Variants in STMN2 observed in about 807,000 individuals in gnomAD.
STMN2 encodes the protein stathmin-2.
STMN2 carries 2 observed loss-of-function variants against 24.1 expected under a neutral mutation model. The ratio of observed to expected loss-of-function variants is 0.08; its 90% CI spans 0.03 to 0.26. The LOEUF is 0.26. STMN2 is among the 10% of genes least tolerant of loss of function. The pLI, the probability that STMN2 is intolerant of heterozygous loss-of-function variation, is 1.00. For missense variants in STMN2, 114 were observed against 213.6 expected (o/e 0.53, Z 2.91); for synonymous variants, 83 against 77.5 (o/e 1.07, Z -0.37).
At chr8:79,624,421 T>TC (rs1809597670) in intron 1 of STMN2, among the ~76,000 whole-genome samples, 1 of 120,312 alleles carries the variant, frequency 8.3e-6, no homozygotes, top group African/African-American at 3.3e-5. Context: ...ACCACTGCAC[T>TC]CCAGCCTGGG....
At chr8:79,617,173 C>T (rs954968073) in intron 1 of STMN2, among the ~76,000 whole-genome samples, 1 of 152,038 alleles carries the variant, frequency 6.6e-6, no homozygotes, top group African/African-American at 2.4e-5. Flanking sequence ...TTTTCTTCTG[C>T]TTATCTAAGC....
intron 1 of STMN2, among the ~76,000 whole-genome samples, chr8:79,617,994 TAGTC>T (rs1208947738): frequency 6.6e-6 from 1 of 152,240 alleles, no homozygotes; most frequent in Non-Finnish European, 1.5e-5. Flanking sequence ...GTCACACAGT[TAGTC>T]AGATCCAGAA....
intron 1 of STMN2, among the ~76,000 whole-genome samples, chr8:79,635,244 G>C (rs556119227): frequency 6.2e-4 from 95 of 152,294 alleles, no homozygotes; most frequent in African/African-American, 2.2e-3. Context: ...TCTTGCAACT[G>C]CATGGCAAGG....
intron 1 of STMN2, among the ~76,000 whole-genome samples, chr8:79,622,680 T>C (rs569623455): frequency 2.8e-4 from 42 of 152,322 alleles, no homozygotes; most frequent in South Asian, 1.0e-3. Context: ...ATTTTATATC[T>C]TACCTTACTT....
intron 3 of STMN2, among the ~76,000 whole-genome samples, chr8:79,643,544 C>G (rs1810156577): frequency 6.6e-6 from 1 of 151,984 alleles, no homozygotes; most frequent in South Asian, 2.1e-4. Flanking sequence ...AAAACTCAAA[C>G]CACAATTCAA....
intron 3 of STMN2, among the ~76,000 whole-genome samples, chr8:79,642,615 T>C (rs1810125423): frequency 6.6e-6 from 1 of 152,186 alleles, no homozygotes; most frequent in Non-Finnish European, 1.5e-5. Context: ...CTCCTAAAGA[T>C]TGAATTCTCC....
chr8:79,613,892 G>A (rs1014204610), intron 1 of STMN2: 9 of 927,442 alleles, frequency 9.7e-6, no homozygotes, highest in Non-Finnish European at 1.2e-5. Flanking sequence ...GTGTGCCAAC[G>A]ATTGCTGGAA....
At chr8:79,619,811 G>C (rs1383006265) in intron 1 of STMN2, among the ~76,000 whole-genome samples, 1 of 152,106 alleles carries the variant, frequency 6.6e-6, no homozygotes. Flanking sequence ...TACCAAAGTT[G>C]TTCTAGTCTT....
At chr8:79,636,743 A>C in intron 1 of STMN2, 59 bp from the exon 2 acceptor site, 1 of 1,457,006 alleles carries the variant, frequency 6.9e-7, no homozygotes, top group South Asian at 1.2e-5. Flanking sequence ...AATTAAAGGA[A>C]GCAGTAAAGA....
chr8:79,612,975 C>T (rs1351723604), intron 1 of STMN2, among the ~76,000 whole-genome samples: 1 of 152,080 alleles, frequency 6.6e-6, no homozygotes, highest in African/African-American at 2.4e-5. Flanking sequence ...CCCTCCCAGC[C>T]AAGCGGGTGG....
At chr8:79,633,226 A>C (rs978516318) in intron 1 of STMN2, among the ~76,000 whole-genome samples, 1 of 152,202 alleles carries the variant, frequency 6.6e-6, no homozygotes, top group African/African-American at 2.4e-5. Context: ...CTGTGGTTGC[A>C]GCTGGCTTTT....
In STMN2 at chr8:79,652,804, C is replaced by T. The variant is rs376896344; in HGVS notation, c.289-2067C>T. The stretch of plus-strand genomic sequence containing the variant: ...AAAATTAATTTCATGAAGACTTTTC[C>T]CAGAGAGAGAAACTTTAAATATTTA... On this transcript the variant is annotated intron_variant, in intron 3 of 4. Transcript: ENST00000220876. Among the ~76,000 whole-genome samples the T allele has an allele frequency of 7.2e-5, 11 of 151,786 alleles. No homozygotes were observed. In the East Asian group the frequency reaches 1.5e-3, roughly 21 times the overall value.
At chr8:79,645,604 C>T (rs192599617) in intron 3 of STMN2, among the ~76,000 whole-genome samples, 12 of 152,214 alleles carry the variant, frequency 7.9e-5, no homozygotes, top group Admixed American at 7.2e-4. Context: ...AATATGGGAA[C>T]TCAGAAAGTT....
At chr8:79,629,506 C>T (rs545598812) in intron 1 of STMN2, among the ~76,000 whole-genome samples, 1 of 152,274 alleles carries the variant, frequency 6.6e-6, no homozygotes, top group South Asian at 2.1e-4. Flanking sequence ...TAAAATAAAA[C>T]TCTAATGAGT....
intron 3 of STMN2, among the ~76,000 whole-genome samples, chr8:79,646,911 G>A (rs1235126688): frequency 6.6e-6 from 1 of 152,162 alleles, no homozygotes; most frequent in Non-Finnish European, 1.5e-5. Flanking sequence ...AGAAAGTGTA[G>A]GTTTCAGAGC....
intron 4 of STMN2, among the ~76,000 whole-genome samples, chr8:79,661,959 C>T (rs2177005): frequency 2.0e-5 from 3 of 152,028 alleles, no homozygotes; most frequent in African/African-American, 7.2e-5. Context: ...TTTAATTAGG[C>T]TCATATGACA....
At chr8:79,626,588 G>C (rs1005759734) in intron 1 of STMN2, among the ~76,000 whole-genome samples, 3 of 152,092 alleles carry the variant, frequency 2.0e-5, no homozygotes, top group Non-Finnish European at 4.4e-5. Context: ...CCAACATCTC[G>C]GCTCTTAACC....
intron 1 of STMN2, among the ~76,000 whole-genome samples, chr8:79,618,052 T>C (rs1035477627): frequency 1.3e-5 from 2 of 152,248 alleles, no homozygotes; most frequent in Admixed American, 6.5e-5. Flanking sequence ...CTTTCACCGA[T>C]TGCTGCTAGT....
chr8:79,618,395 A>G (rs1809432561), intron 1 of STMN2, among the ~76,000 whole-genome samples: 1 of 152,162 alleles, frequency 6.6e-6, no homozygotes, highest in Non-Finnish European at 1.5e-5. Flanking sequence ...CATTGACTTA[A>G]TCTCCTCAGT....
Sources: allele counts gnomAD v4.1 joint callset (sites outside exome capture counted in the v4.1 genomes callset), GRCh38; gene constraint gnomAD v4.1.1; transcripts MANE v1.5; gene names NCBI Gene and HGNC (gene_info 2026-07-23, HGNC 2026-07-21).